PRKG1: variants seen among roughly 807,000 people sequenced by gnomAD.
PRKG1 encodes the protein cGMP-dependent protein kinase 1.
A neutral mutation model predicts 88.1 loss-of-function variants in PRKG1; 35 were observed. The ratio of observed to expected loss-of-function variants is 0.40; its 90% CI spans 0.30 to 0.53. PRKG1 has a LOEUF of 0.53. Ranked by LOEUF, PRKG1 falls within the 20% of genes least tolerant of loss-of-function variation. The probability of loss-of-function intolerance (pLI) is 0.59; values close to 1 mark genes in which losing one functional copy is unlikely to be tolerated. For missense variants in PRKG1, 540 were observed against 839.8 expected, an observed-to-expected ratio of 0.64 and a Z score of 4.41; for synonymous variants, 303 against 292.5, an observed-to-expected ratio of 1.04 and a Z score of -0.37.
intron 3 of PRKG1, among the ~76,000 whole-genome samples, chr10:51,646,343 A>G (rs1205684856): frequency 6.6e-6 from 1 of 152,134 alleles, no homozygotes; most frequent in African/African-American, 2.4e-5. Flanking sequence ...TGCCTGTTGT[A>G]TGATAAATAT....
At chr10:52,061,014 A>C (rs752446992) in intron 6 of PRKG1, among the ~76,000 whole-genome samples, 1 of 152,018 alleles carries the variant, frequency 6.6e-6, no homozygotes, top group Non-Finnish European at 1.5e-5. Flanking sequence ...AACATGGGTG[A>C]ATGAAAACCT....
chr10:51,715,612 T>C (rs1031770245), intron 3 of PRKG1, among the ~76,000 whole-genome samples: 3 of 152,176 alleles, frequency 2.0e-5, no homozygotes, highest in African/African-American at 7.2e-5. Flanking sequence ...CTGTTAAAAA[T>C]AGCAGTTATT....
intron 2 of PRKG1, among the ~76,000 whole-genome samples, chr10:51,189,101 G>T (rs961024204): frequency 2.0e-5 from 3 of 151,692 alleles, no homozygotes; most frequent in African/African-American, 7.3e-5. Flanking sequence ...CTTTAGGAAA[G>T]GGAAATTTGG....
intron 8 of PRKG1, among the ~76,000 whole-genome samples, chr10:52,147,164 C>G (rs1837751326): frequency 6.6e-6 from 1 of 151,842 alleles, no homozygotes; most frequent in South Asian, 2.1e-4. Flanking sequence ...TCTGAAATGT[C>G]AAAAGTAAAT....
intron 2 of PRKG1, among the ~76,000 whole-genome samples, chr10:51,433,522 A>C (rs1838831515): frequency 6.6e-6 from 1 of 152,106 alleles, no homozygotes; most frequent in African/African-American, 2.4e-5. Context: ...ACATGAAAGG[A>C]ATAATGAATG....
intron 2 of PRKG1, among the ~76,000 whole-genome samples, chr10:51,196,225 T>G (rs74133530): frequency 0.062 from 9,405 of 152,250 alleles, 588 homozygotes; most frequent in African/African-American, 0.16. Flanking sequence ...GGAGTTAGTT[T>G]TATCAACTAT....
intron 4 of PRKG1, among the ~76,000 whole-genome samples, chr10:51,812,767 A>AT (rs375236892): frequency 0.014 from 2,082 of 151,728 alleles, 57 homozygotes; most frequent in African/African-American, 0.048. Flanking sequence ...CAAAATGATG[A>AT]TTTTTTTTTC....
At chr10:51,985,072 T>C (rs941549432) in intron 5 of PRKG1, among the ~76,000 whole-genome samples, 6 of 152,208 alleles carry the variant, frequency 3.9e-5, no homozygotes, top group African/African-American at 1.2e-4. Flanking sequence ...TTTTAGGCAA[T>C]AGTTCATTTT....
intron 2 of PRKG1, among the ~76,000 whole-genome samples, chr10:51,230,169 A>G (rs1039361559): frequency 6.6e-6 from 1 of 152,168 alleles, no homozygotes; most frequent in African/African-American, 2.4e-5. Context: ...TAAAGAGAAT[A>G]AAAATGAATT....
At chr10:51,458,254 T>C (rs1351607899) in intron 2 of PRKG1, among the ~76,000 whole-genome samples, 5 of 152,220 alleles carry the variant, frequency 3.3e-5, no homozygotes, top group Admixed American at 1.3e-4. Context: ...CAGAAATGCT[T>C]TTAATAAGTG....
At chr10:51,843,813 T>C (rs1364374365) in intron 4 of PRKG1, among the ~76,000 whole-genome samples, 1 of 152,156 alleles carries the variant, frequency 6.6e-6, no homozygotes, top group African/African-American at 2.4e-5. Context: ...GCTAAATAGG[T>C]CCATGGAAGT....
intron 1 of PRKG1, among the ~76,000 whole-genome samples, chr10:51,129,886 C>T (rs1316268998): frequency 6.6e-6 from 1 of 152,136 alleles, no homozygotes. Context: ...AATAGGGCTT[C>T]CAGGAGCCTC....
At chr10:51,086,043 C>G (rs1247078121) in intron 1 of PRKG1, among the ~76,000 whole-genome samples, 6 of 152,110 alleles carry the variant, frequency 3.9e-5, no homozygotes, top group Non-Finnish European at 7.4e-5. Context: ...TTTACCATTA[C>G]TTAGTATGGA....
At chr10:52,036,262 A>G (rs1222992645) in intron 5 of PRKG1, among the ~76,000 whole-genome samples, 2 of 152,118 alleles carry the variant, frequency 1.3e-5, no homozygotes, top group Middle Eastern at 3.4e-3. Flanking sequence ...GATCTAGAAC[A>G]GAATAATAGG....
chr10:51,374,726 C>G (rs1365991515), intron 2 of PRKG1, among the ~76,000 whole-genome samples: 1 of 152,154 alleles, frequency 6.6e-6, no homozygotes, highest in Non-Finnish European at 1.5e-5. Flanking sequence ...TTCCCACCCT[C>G]CAGAACGGTA....
intron 5 of PRKG1, among the ~76,000 whole-genome samples, chr10:51,926,867 A>C (rs1382771779): frequency 1.1e-5 from 1 of 90,110 alleles, no homozygotes; most frequent in Non-Finnish European, 2.0e-5. Context: ...TTTAGTGTTA[A>C]GACGATATGT....
At chr10:52,201,828 G>A (rs911666209) in intron 9 of PRKG1, among the ~76,000 whole-genome samples, 5 of 152,020 alleles carry the variant, frequency 3.3e-5, no homozygotes, top group Non-Finnish European at 7.4e-5. Flanking sequence ...ACTGTGAATG[G>A]GATTGCATTC....
chr10:51,978,909 G>A (rs1007541756), intron 5 of PRKG1, among the ~76,000 whole-genome samples: 1 of 151,966 alleles, frequency 6.6e-6, no homozygotes. Flanking sequence ...CTGCAAACAA[G>A]GATAGCTTGA....
chr10:51,940,041 A>T (rs1316762311), intron 5 of PRKG1, among the ~76,000 whole-genome samples: 1 of 151,960 alleles, frequency 6.6e-6, no homozygotes, highest in East Asian at 1.9e-4. Flanking sequence ...CTATAGCCTT[A>T]TAGCTGCCCC....
Sources: gnomAD v4.1 joint callset for allele counts (sites outside exome capture counted in the v4.1 genomes callset) on GRCh38, gnomAD v4.1.1 for gene constraint, MANE v1.5 for transcripts, NCBI Gene and HGNC (gene_info 2026-07-23, HGNC 2026-07-21) for gene names.